THAP12: variants seen among roughly 807,000 people sequenced by gnomAD.
THAP12 encodes 52 kDa repressor of the inhibitor of the protein kinase.
Under a neutral mutation model 63.0 loss-of-function variants are expected in THAP12, and 20 were observed. The observed-to-expected ratio is 0.32, with a 90% CI of 0.22 to 0.46. The LOEUF (loss-of-function observed/expected upper bound fraction) is 0.46, where lower values mean the gene tolerates loss of function less well. Among genes scored for constraint, THAP12 ranks in the 20% least tolerant of loss-of-function variants. THAP12 has a pLI of 1.00. For synonymous variants in THAP12, 264 were observed against 328.4 expected (o/e 0.80, Z 2.12); for missense variants, 568 against 908.2 (o/e 0.63, Z 4.81).
chr11:76,354,235 G>T (rs1946545844), intron 4 of THAP12, among the ~76,000 whole-genome samples: 1 of 152,086 alleles, frequency 6.6e-6, no homozygotes. Flanking sequence ...CTTCATAAGG[G>T]TTCAGAAAAA....
chr11:76,369,935 T>C (rs1946659220), intron 1 of THAP12, among the ~76,000 whole-genome samples: 1 of 152,238 alleles, frequency 6.6e-6, no homozygotes, highest in Non-Finnish European at 1.5e-5. Context: ...CAATAAATCT[T>C]CACTGTGAGT....
Position 76,351,777 on chromosome 11 carries a change from C to G in THAP12, c.1373G>C (p.Arg458Thr). 3 of 1,613,206 alleles carry G rather than the reference C, an allele frequency of 1.9e-6. No individual in the cohort carries two copies. Among genetic ancestry groups the G allele is most frequent in the Non-Finnish European group, 2.5e-6 (3 of 1,179,442 alleles). ...LDGINSDTNI[R>T]WNNYIAGRAF... Reference sequence around the variant, plus strand: ...TCGGCCAGCTATATAGTTATTCCATCTAATATTTGTGTCACTATTTATACC... The same window carrying G: ...TCGGCCAGCTATATAGTTATTCCATGTAATATTTGTGTCACTATTTATACC... Residue 458 changes from arginine (R) to threonine (T), a missense_variant, in exon 5 of 5, where the codon AGA becomes ACA. Transcript: ENST00000260045.
chr11:76,372,911 T>A (rs1373955874), intron 1 of THAP12, among the ~76,000 whole-genome samples: 2 of 151,288 alleles, frequency 1.3e-5, no homozygotes, highest in East Asian at 3.9e-4. Context: ...GGTTCCACGG[T>A]CAAAAAAGTT....
At chr11:76,374,455 T>A in intron 1 of THAP12, among the ~76,000 whole-genome samples, 1 of 152,068 alleles carries the variant, frequency 6.6e-6, no homozygotes, top group East Asian at 1.9e-4. Flanking sequence ...ATTAGAGAGC[T>A]GTCAAGCTCA....
intron 3 of THAP12, among the ~76,000 whole-genome samples, chr11:76,360,310 T>C (rs770222907): frequency 4.5e-4 from 68 of 152,006 alleles, no homozygotes; most frequent in Non-Finnish European, 8.1e-4. Flanking sequence ...ATGGTAATAG[T>C]GGGTGAAGAA....
chr11:76,365,856 C>T lies in THAP12; in HGVS notation c.206G>A (p.Arg69Lys). 1.2e-6 allele frequency: 2 copies of T among 1,612,122 alleles called. No individual in the cohort carries two copies. The highest frequency in any genetic ancestry group is 1.7e-6 in the Non-Finnish European group (2 of 1,179,256). The stretch of plus-strand genomic sequence containing the variant: ...CCAAGCTCTTCTATTACTCACAGTT[C>T]TACAGATCATAGAGGTCTCAAAATG... The part of the protein sequence containing the change: ...AKHFETSMIC[R>K]TSPYRTVLRD... Residue 69 changes from arginine to lysine, a missense_variant, in exon 2 of 5, where the codon AGA becomes AAA. Physicochemically the swap from Arg to Lys is conservative, Grantham distance 26. Coordinates refer to ENST00000260045, the MANE Select transcript of THAP12 (RefSeq NM_004705.4).
At chr11:76,376,620 T>TTG (rs1325672981) in intron 1 of THAP12, among the ~76,000 whole-genome samples, 2 of 141,634 alleles carry the variant, frequency 1.4e-5, no homozygotes, top group African/African-American at 2.7e-5. Context: ...TCTATGTTTT[T>TTG]TTTGTTTTTT....
Position 76,349,968 on chromosome 11 carries a change from TCA to T in THAP12, c.*894_*895del, listed in dbSNP as rs777021019. On this transcript the variant is annotated 3_prime_UTR_variant, in exon 5 of 5. Coordinates refer to ENST00000260045, the MANE Select transcript of THAP12 (RefSeq NM_004705.4). The stretch of plus-strand genomic sequence containing the variant: ...AATGTGCCTAAGCTTTAAACAAAAT[TCA>T]CATTTTATTTAGATTGAAATAAACT... The T allele has an allele frequency of 6.5e-6, 1 of 152,778 alleles. No individual in the cohort carries two copies. The highest frequency in any genetic ancestry group is 1.9e-4 in the East Asian group (1 of 5,336). 9.5% of individuals were successfully genotyped at this position (152,778 alleles called of 1,614,324 possible).
intron 1 of THAP12, among the ~76,000 whole-genome samples, chr11:76,372,133 G>A (rs771707959): frequency 2.7e-5 from 4 of 150,880 alleles, no homozygotes; most frequent in Non-Finnish European, 5.9e-5. Flanking sequence ...CATTTTTAAA[G>A]TAATGAGAAG....
intron 3 of THAP12, chr11:76,356,145 C>T (rs1946559686): frequency 6.5e-6 from 1 of 153,180 alleles, no homozygotes; most frequent in Non-Finnish European, 1.5e-5. Flanking sequence ...ACAGAGCATA[C>T]ACAGAGCATA....
At chr11:76,352,967 G>T (rs892198007) in intron 4 of THAP12, among the ~76,000 whole-genome samples, 173 bp from the exon 5 acceptor site, 2 of 152,130 alleles carry the variant, frequency 1.3e-5, no homozygotes, top group Admixed American at 6.5e-5. Context: ...ACTAAGATAA[G>T]ACACATCCTA....
chr11:76,368,972 C>T (rs917231911), intron 1 of THAP12, among the ~76,000 whole-genome samples: 2 of 152,118 alleles, frequency 1.3e-5, no homozygotes, highest in African/African-American at 4.8e-5. Flanking sequence ...TGGCAGACCA[C>T]AAAATGTCAG....
At position 76,351,615 on chromosome 11, in the gene THAP12, C is replaced by A; in HGVS notation, c.1535G>T (p.Gly512Val). The change falls in exon 5 of 5, where the codon GGT (glycine) becomes GTT (valine). Residue 512 changes from glycine to valine, a missense_variant. By Grantham distance (109) the Gly-to-Val change is moderately radical. Transcript: ENST00000260045. ...GQTSDVFFAA[G>V]SLTAVLHSLN... ...TGAATGCAGTACTGCAGTCAAGCTACCGGCCGCAAAGAAGACATCAGAGGT... is the reference window on the plus strand; with the variant it reads ...TGAATGCAGTACTGCAGTCAAGCTAACGGCCGCAAAGAAGACATCAGAGGT... The A allele has an allele frequency of 6.3e-7, 1 of 1,584,670 alleles. No homozygotes were observed.
intron 1 of THAP12, among the ~76,000 whole-genome samples, chr11:76,377,304 T>G (rs937503700): frequency 2.6e-4 from 40 of 152,188 alleles, no homozygotes; most frequent in African/African-American, 9.4e-4. Flanking sequence ...TAATGGCAAT[T>G]AACACATTCA....
chr11:76,378,724 G>A (rs10899211), intron 1 of THAP12, among the ~76,000 whole-genome samples: 52,362 of 151,700 alleles, frequency 0.35, 9,457 homozygotes, highest in Non-Finnish European at 0.41. Flanking sequence ...CGATTCTCAC[G>A]TCTTGGCCTC....
At chr11:76,362,468 T>G (rs907779004) in intron 2 of THAP12, among the ~76,000 whole-genome samples, 1 of 152,204 alleles carries the variant, frequency 6.6e-6, no homozygotes, top group Non-Finnish European at 1.5e-5. Context: ...CTAGTTCAAT[T>G]CCATGCCATA....
intron 1 of THAP12, among the ~76,000 whole-genome samples, chr11:76,371,280 T>C (rs974971138): frequency 1.3e-4 from 20 of 152,228 alleles, no homozygotes; most frequent in African/African-American, 4.6e-4. Context: ...TTCACTTCTA[T>C]CCTGGGGCCT....
chr11:76,373,672 T>C (rs1043841628), intron 1 of THAP12, among the ~76,000 whole-genome samples: 2 of 151,042 alleles, frequency 1.3e-5, no homozygotes, highest in African/African-American at 4.9e-5. Flanking sequence ...CAGTGAGCCA[T>C]GCTCCTGCCA....
At chr11:76,353,685 A>C (rs1046034502) in intron 4 of THAP12, among the ~76,000 whole-genome samples, 3 of 152,232 alleles carry the variant, frequency 2.0e-5, no homozygotes, top group African/African-American at 7.2e-5. Context: ...TCCAAATCTG[A>C]GGAGGCACAG....
Sources: gnomAD v4.1 joint callset for allele counts (sites outside exome capture counted in the v4.1 genomes callset) on GRCh38, gnomAD v4.1.1 for gene constraint, MANE v1.5 for transcripts, NCBI Gene and HGNC (gene_info 2026-07-23, HGNC 2026-07-21) for gene names.